Variants in PRCC observed in about 807,000 individuals in gnomAD.
The protein encoded by PRCC is proline rich mitotic checkpoint control factor, also known as proline-rich protein PRCC.
A neutral mutation model predicts 44.0 loss-of-function variants in PRCC; 10 were observed. The observed-to-expected ratio is 0.23, with a 90% CI of 0.14 to 0.39. PRCC has a LOEUF of 0.39. PRCC is among the 10% of genes least tolerant of loss of function. The pLI, the probability that PRCC is intolerant of heterozygous loss-of-function variation, is 1.00. For missense variants in PRCC, 573 were observed against 624.7 expected (o/e 0.92, Z 0.88); for synonymous variants, 278 against 259.5 (o/e 1.07, Z -0.69).
At chr1:156,771,318 TC>T (rs1651626190) in intron 1 of PRCC, among the ~76,000 whole-genome samples, 1 of 152,176 alleles carries the variant, frequency 6.6e-6, no homozygotes, top group East Asian at 1.9e-4. Context: ...CTAGGGTCTT[TC>T]TACCTCATTT....
rs1352738868 is a variant in PRCC, at chr1:156,767,640, C to T, written c.-132C>T. 9.2e-6 allele frequency: 8 copies of T among 871,736 alleles called. No individual in the cohort carries two copies. Among genetic ancestry groups the T allele is most frequent in the African/African-American group, 1.7e-5 (1 of 58,488 alleles). 54.0% of individuals were successfully genotyped at this position (871,736 alleles called of 1,614,324 possible). On this transcript the variant is annotated 5_prime_UTR_variant, in exon 1 of 7. Coordinates refer to ENST00000271526, the MANE Select transcript of PRCC (RefSeq NM_005973.5). ...CCATGAGTTTCTGCCGGGGCTAGCC[C>T]TAGAGTACGGAGCAGGCGGACTTTT... is the stretch of plus-strand genomic sequence containing the variant.
chr1:156,797,172 G>A (rs1050871188), intron 5 of PRCC, 104 bp from the exon 6 acceptor site: 1 of 1,344,654 alleles, frequency 7.4e-7, no homozygotes, highest in Admixed American at 1.7e-5. Context: ...CAGGATTTGG[G>A]CTGTGGAATT....
At chr1:156,780,241 T>C (rs1652005964) in intron 1 of PRCC, among the ~76,000 whole-genome samples, 1 of 151,726 alleles carries the variant, frequency 6.6e-6, no homozygotes, top group Non-Finnish European at 1.5e-5. Context: ...GTATTTTTAG[T>C]AGAGACGGGG....
intron 5 of PRCC, among the ~76,000 whole-genome samples, chr1:156,795,285 GTTTTTTTTTT>G (rs35911411): frequency 5.5e-5 from 2 of 36,054 alleles, no homozygotes; most frequent in Non-Finnish European, 8.7e-5. Flanking sequence ...ATTTTCTGGT[GTTTTTTTTTT>G]TTTTTTTTTT....
At position 156,787,093 on chromosome 1, in the gene PRCC, G is replaced by T; in HGVS notation, c.1002G>T (p.Trp334Cys). The T allele has an allele frequency of 6.2e-7, 1 of 1,614,120 alleles. No individual in the cohort carries two copies. Among genetic ancestry groups the T allele is most frequent in the Non-Finnish European group, 8.5e-7 (1 of 1,180,006 alleles). The part of the protein sequence containing the change: ...KMAAGSSGAP[W>C]MPKPGDDYSY... Reference sequence around the variant, plus strand: ...CAGCAGGTTCAAGTGGGGCCCCTTGGATGCCTAAGCCTGGGGACGACTACA... The same window carrying T: ...CAGCAGGTTCAAGTGGGGCCCCTTGTATGCCTAAGCCTGGGGACGACTACA... Residue 334 changes from tryptophan (W) to cysteine (C), a missense_variant, in exon 3 of 7, where the codon TGG becomes TGT. By Grantham distance (215) the Trp-to-Cys change is radical. Transcript: ENST00000271526.
At chr1:156,789,659 T>C (rs2102768410) in intron 3 of PRCC, among the ~76,000 whole-genome samples, 1 of 151,980 alleles carries the variant, frequency 6.6e-6, no homozygotes, top group African/African-American at 2.4e-5. Context: ...ATCCTGAGGG[T>C]GGTTTGAGGT....
chr1:156,775,019 T>C (rs28855540), intron 1 of PRCC, among the ~76,000 whole-genome samples: 146,675 of 150,338 alleles, frequency 0.98, 71,651 homozygotes, highest in East Asian at 1. Flanking sequence ...GAGGCTGAGG[T>C]GGGCGGATCA....
At chr1:156,777,718 T>C (rs1231517143) in intron 1 of PRCC, among the ~76,000 whole-genome samples, 2 of 151,956 alleles carry the variant, frequency 1.3e-5, no homozygotes, top group Admixed American at 1.3e-4. Context: ...AGCAAATGAG[T>C]GATGTAGGGA....
intron 1 of PRCC, among the ~76,000 whole-genome samples, chr1:156,769,333 T>C (rs765444671): frequency 6.6e-6 from 1 of 152,154 alleles, no homozygotes; most frequent in Non-Finnish European, 1.5e-5. Flanking sequence ...CACCTCCTCC[T>C]CCCCATTGCT....
Position 156,794,177 on chromosome 1 carries a change from G to C in PRCC, c.1180-488G>C, listed in dbSNP as rs560195089. On this transcript the variant is annotated intron_variant, in intron 4 of 6. Transcript: ENST00000271526. Reference sequence around the variant, plus strand: ...TCTCCATGTTGGTCAGGCTGGTATTGAACTCCCGACCTCAGGTGATCCGCC... The same window carrying C: ...TCTCCATGTTGGTCAGGCTGGTATTCAACTCCCGACCTCAGGTGATCCGCC... Among the ~76,000 whole-genome samples the C allele has an allele frequency of 3.4e-4, 52 of 151,802 alleles. No homozygotes were observed. In the Middle Eastern group the frequency reaches 0.014, roughly 40 times the overall value.
Position 156,787,491 on chromosome 1 carries a change from ATATATATC to A in PRCC, c.1083+319_1083+326del, listed in dbSNP as rs1357165439. 4.0e-3 allele frequency among the ~76,000 whole-genome samples: 152 copies of A among 38,146 alleles called. 2 individuals are homozygous for A. The highest frequency in any genetic ancestry group is 0.015 in the African/African-American group (146 of 10,054). 25.0% of individuals were successfully genotyped at this position (38,146 alleles called of 152,430 possible). A position where few individuals can be genotyped will look rare whatever the true frequency, so the allele number is the denominator to read the frequency against. On this transcript the variant is annotated intron_variant, in intron 3 of 6. Transcript: ENST00000271526. ...TATATATATATATATATATATATAT[ATATATATC>A]TGTTTTTTTTTCTTCCTAACCTTTA...
At chr1:156,780,845 A>T (rs1195557523) in intron 1 of PRCC, among the ~76,000 whole-genome samples, 1 of 152,000 alleles carries the variant, frequency 6.6e-6, no homozygotes, top group Non-Finnish European at 1.5e-5. Context: ...TTCCTGCCTC[A>T]GCCTCCCGAG....
rs145254976 is a variant in PRCC, at chr1:156,773,426, CAGT to C, written c.468+5188_468+5190del. 3.6e-3 allele frequency among the ~76,000 whole-genome samples: 544 copies of C among 152,222 alleles called. 1 individual carries two copies. Among genetic ancestry groups the C allele is most frequent in the Non-Finnish European group, 4.7e-3 (321 of 68,024 alleles). Reference sequence around the variant, plus strand: ...CTCTTGGCAGCTGGAACAGAGAGGACAGTGGTGGCCATTGAGGCTCAGGTTCTC... The same window carrying C: ...CTCTTGGCAGCTGGAACAGAGAGGACGGTGGCCATTGAGGCTCAGGTTCTC... On this transcript the variant is annotated intron_variant, in intron 1 of 6. Transcript: ENST00000271526.
At chr1:156,789,082 G>A (rs1004249113) in intron 3 of PRCC, among the ~76,000 whole-genome samples, 2 of 151,962 alleles carry the variant, frequency 1.3e-5, no homozygotes, top group African/African-American at 2.4e-5. Flanking sequence ...CGATTCTCCC[G>A]CCTCAGCCTC....
intron 5 of PRCC, 99 bp downstream of exon 5, chr1:156,794,907 A>G: frequency 6.8e-7 from 1 of 1,474,108 alleles, no homozygotes; most frequent in Non-Finnish European, 9.3e-7. Flanking sequence ...TGTTATTGTC[A>G]CAGCACCTTT....
intron 1 of PRCC, among the ~76,000 whole-genome samples, chr1:156,779,126 A>ATTTTTT (rs1651945225): frequency 3.4e-5 from 1 of 29,334 alleles, no homozygotes; most frequent in Non-Finnish European, 6.1e-5. Context: ...ATATATATAT[A>ATTTTTT]TATTTTTTTT....
intron 3 of PRCC, among the ~76,000 whole-genome samples, chr1:156,788,548 G>A (rs945277469): frequency 6.6e-6 from 1 of 151,718 alleles, no homozygotes; most frequent in Non-Finnish European, 1.5e-5. Flanking sequence ...TGGTAGCTCT[G>A]TTTTAAGTTC....
In PRCC at chr1:156,787,068, C is replaced by T; in HGVS notation, c.977C>T (p.Ala326Val). 1.2e-6 allele frequency: 2 copies of T among 1,614,182 alleles called. No individual in the cohort carries two copies. Among genetic ancestry groups the T allele is most frequent in the Non-Finnish European group, 1.7e-6 (2 of 1,180,020 alleles). ...AANAPLEFKM[A>V]AGSSGAPWMP... ...AATGCCCCCCTTGAATTCAAGATGG[C>T]AGCAGGTTCAAGTGGGGCCCCTTGG... Residue 326 changes from alanine to valine, a missense_variant, in exon 3 of 7, where the codon GCA (alanine) becomes GTA (valine). Around this residue, in one of 4 missense-constraint regions of PRCC, gnomAD observed 141 missense variants for 130.2 expected, o/e 1.08. Coordinates refer to ENST00000271526, the MANE Select transcript of PRCC (RefSeq NM_005973.5).
intron 3 of PRCC, among the ~76,000 whole-genome samples, chr1:156,787,973 A>G (rs1652335524): frequency 6.6e-6 from 1 of 152,106 alleles, no homozygotes; most frequent in African/African-American, 2.4e-5. Flanking sequence ...CTGGGACTAC[A>G]GGCACATTCC....
Sources: allele counts gnomAD v4.1 joint callset (sites outside exome capture counted in the v4.1 genomes callset), GRCh38; gene constraint gnomAD v4.1.1; regional missense constraint gnomAD v4.1.1; transcripts MANE v1.5; gene names NCBI Gene and HGNC (gene_info 2026-07-23, HGNC 2026-07-21).